Variants in SND1 observed in about 807,000 individuals in gnomAD.
SND1 encodes the protein staphylococcal nuclease domain-containing protein 1.
Under a neutral mutation model 121.7 loss-of-function variants are expected in SND1, and 38 were observed. The ratio of observed to expected loss-of-function variants is 0.31; its 90% CI spans 0.24 to 0.41. The LOEUF is 0.41. Ranked by LOEUF, SND1 falls within the 10% of genes least tolerant of loss-of-function variation. The pLI, the probability that SND1 is intolerant of heterozygous loss-of-function variation, is 1.00. For synonymous variants in SND1, 401 were observed against 447.4 expected (o/e 0.90, Z 1.31); for missense variants, 868 against 1,184.6 (o/e 0.73, Z 3.92).
intron 12 of SND1, among the ~76,000 whole-genome samples, chr7:127,884,068 A>G (rs1032143412): frequency 6.6e-6 from 1 of 152,152 alleles, no homozygotes; most frequent in African/African-American, 2.4e-5. Flanking sequence ...GAATGAATTC[A>G]TGGAATCTCA....
intron 15 of SND1, among the ~76,000 whole-genome samples, chr7:127,972,268 G>A (rs1387943348): frequency 6.6e-6 from 1 of 151,856 alleles, no homozygotes; most frequent in East Asian, 1.9e-4. Context: ...GAGGGGGGTT[G>A]TTTTGTTTTG....
chr7:127,915,920 T>C (rs1288949614), intron 14 of SND1, among the ~76,000 whole-genome samples: 1 of 152,180 alleles, frequency 6.6e-6, no homozygotes, highest in Non-Finnish European at 1.5e-5. Context: ...GTTATAGTCC[T>C]TGAAAAGGAT....
intron 12 of SND1, among the ~76,000 whole-genome samples, chr7:127,861,226 A>G (rs1394017941): frequency 1.3e-5 from 2 of 152,212 alleles, no homozygotes; most frequent in African/African-American, 4.8e-5. Flanking sequence ...TAAGAATTAT[A>G]TCATTTGGTC....
Position 127,866,268 on chromosome 7 carries a change from A to G in SND1, c.1344-21634A>G, listed in dbSNP as rs1799474136. ...AAATGTATCACCACTTGTACAGGGA[A>G]TATTCCAGATGTGCTTTAAGTAGGC... On this transcript the variant is annotated intron_variant, in intron 12 of 23. Coordinates refer to ENST00000354725, the MANE Select transcript of SND1 (RefSeq NM_014390.4). Among the ~76,000 whole-genome samples the G allele has an allele frequency of 3.9e-5, 6 of 152,230 alleles. No individual in the cohort carries two copies. The South Asian group carries it at 8.3e-4, about 21-fold the overall frequency.
intron 16 of SND1, among the ~76,000 whole-genome samples, chr7:128,020,758 C>T (rs1210496596): frequency 6.6e-6 from 1 of 152,166 alleles, no homozygotes; most frequent in Non-Finnish European, 1.5e-5. Flanking sequence ...GGAAAGCCTC[C>T]AGCGGGCACA....
At chr7:127,918,491 C>A (rs1323545383) in intron 14 of SND1, among the ~76,000 whole-genome samples, 2 of 152,144 alleles carry the variant, frequency 1.3e-5, no homozygotes, top group African/African-American at 2.4e-5. Flanking sequence ...ATCTGTACTA[C>A]TAACTCTTCT....
intron 15 of SND1, among the ~76,000 whole-genome samples, chr7:127,950,588 T>C (rs1430540945): frequency 1.3e-5 from 2 of 152,208 alleles, no homozygotes; most frequent in Non-Finnish European, 2.9e-5. Context: ...GAACCAATAC[T>C]GTACATGACT....
chr7:127,861,513 T>A, intron 12 of SND1, among the ~76,000 whole-genome samples: 1 of 152,182 alleles, frequency 6.6e-6, no homozygotes, highest in Non-Finnish European at 1.5e-5. Context: ...CTCACTCTGT[T>A]GCCTAGGCTG....
chr7:127,972,245 T>C (rs1315410468), intron 15 of SND1, among the ~76,000 whole-genome samples: 2 of 152,058 alleles, frequency 1.3e-5, no homozygotes, highest in African/African-American at 4.8e-5. Context: ...TTAGGTTTTT[T>C]GCAGGGGGCG....
chr7:127,831,623 G>C (rs1388892750), intron 11 of SND1, among the ~76,000 whole-genome samples: 2 of 152,184 alleles, frequency 1.3e-5, no homozygotes, highest in African/African-American at 4.8e-5. Flanking sequence ...AATCCTTACT[G>C]GTTGGCAGAC....
chr7:127,779,566 G>A (rs1797680644), intron 10 of SND1, among the ~76,000 whole-genome samples: 1 of 152,138 alleles, frequency 6.6e-6, no homozygotes, highest in Middle Eastern at 3.2e-3. Flanking sequence ...CTCCGATTTA[G>A]AATGGTTCTT....
chr7:127,929,364 A>G, intron 15 of SND1, 35 bp downstream of exon 15: 1 of 1,611,138 alleles, frequency 6.2e-7, no homozygotes, highest in Admixed American at 1.7e-5. Context: ...CTCTGAGCTC[A>G]GAAGTCATCC....
chr7:128,056,622 T>C (rs967133919), intron 16 of SND1, among the ~76,000 whole-genome samples: 2 of 152,196 alleles, frequency 1.3e-5, no homozygotes, highest in African/African-American at 4.8e-5. Context: ...AATCAAGCTC[T>C]GTTTTCTGCC....
chr7:127,964,041 A>C (rs1297935632), intron 15 of SND1, among the ~76,000 whole-genome samples: 7 of 152,150 alleles, frequency 4.6e-5, no homozygotes, highest in East Asian at 1.9e-4. Flanking sequence ...TTTTGGCTGC[A>C]TAAATGTCTT....
At chr7:127,952,378 G>T (rs971432204) in intron 15 of SND1, among the ~76,000 whole-genome samples, 1 of 152,156 alleles carries the variant, frequency 6.6e-6, no homozygotes, top group Non-Finnish European at 1.5e-5. Flanking sequence ...CAGGAATGAA[G>T]ACTGCATCTA....
chr7:128,085,611 G>T lies in SND1; in HGVS notation c.2235-100G>T. 9.6e-7 allele frequency: 1 copy of T among 1,041,886 alleles called. No individual in the cohort carries two copies. The allele number at this position is 1,041,886 out of a possible 1,614,324, so 64.5% of individuals were successfully genotyped here. On this transcript the variant is annotated intron_variant, in intron 19 of 23. Coordinates refer to ENST00000354725, the MANE Select transcript of SND1 (RefSeq NM_014390.4). The surrounding 1 kb of genome is among the most constrained non-coding windows in gnomAD (Gnocchi z 4.4). ...TCCCCTGTGACACCCGTTGAACCCA[G>T]GCAGGGAAATGCTGTGCCCCTGCCC...
intron 11 of SND1, among the ~76,000 whole-genome samples, chr7:127,825,859 A>G (rs1266280516): frequency 6.6e-6 from 1 of 152,242 alleles, no homozygotes; most frequent in Non-Finnish European, 1.5e-5. Flanking sequence ...TTTCACTTAT[A>G]CATTTATATT....
intron 15 of SND1, among the ~76,000 whole-genome samples, chr7:127,950,111 A>G (rs565742086): frequency 6.6e-6 from 1 of 152,300 alleles, no homozygotes; most frequent in African/African-American, 2.4e-5. Context: ...ATGGGTCTGG[A>G]GTTGGGCCAG....
At chr7:127,652,650 C>T (rs1795142355) in intron 1 of SND1, among the ~76,000 whole-genome samples, 199 bp downstream of exon 1, 1 of 152,200 alleles carries the variant, frequency 6.6e-6, no homozygotes, top group Non-Finnish European at 1.5e-5. Flanking sequence ...TCCCGGACAC[C>T]TTGACATCAG....
Sources: gnomAD v4.1 joint callset for allele counts (sites outside exome capture counted in the v4.1 genomes callset) on GRCh38, gnomAD v4.1.1 for gene constraint, Gnocchi (gnomAD v3.1) non-coding constraint, MANE v1.5 for transcripts, NCBI Gene and HGNC (gene_info 2026-07-23, HGNC 2026-07-21) for gene names.